Variants in CADM2 observed in about 807,000 individuals in gnomAD.
CADM2 encodes immunoglobulin superfamily member 4D.
In CADM2, 12 loss-of-function variants were observed where a neutral mutation model predicts 49.8. That is an observed-to-expected ratio of 0.24 (90% confidence interval 0.15 to 0.39). The LOEUF (loss-of-function observed/expected upper bound fraction) is 0.39, where lower values mean the gene tolerates loss of function less well. CADM2 is among the 10% of genes least tolerant of loss of function. The probability of loss-of-function intolerance (pLI) is 1.00; values close to 1 mark genes in which losing one functional copy is unlikely to be tolerated. For missense variants in CADM2, 378 were observed against 492.3 expected (o/e 0.77, Z 2.20); for synonymous variants, 214 against 175.4 (o/e 1.22, Z -1.74).
intron 3 of CADM2, among the ~76,000 whole-genome samples, chr3:85,875,369 T>C (rs1193014138): frequency 6.6e-6 from 1 of 152,188 alleles, no homozygotes. Flanking sequence ...AGTCTTCATC[T>C]TGCCTCTTTT....
chr3:85,396,534 T>C (rs936687050), intron 1 of CADM2, among the ~76,000 whole-genome samples: 5 of 152,036 alleles, frequency 3.3e-5, no homozygotes, highest in African/African-American at 4.8e-5. Context: ...TTTGTGGTAA[T>C]CCAATACCTA....
intron 1 of CADM2, among the ~76,000 whole-genome samples, chr3:85,280,785 C>CA (rs1383174539): frequency 1.3e-5 from 2 of 148,748 alleles, no homozygotes; most frequent in Non-Finnish European, 3.0e-5. Context: ...TGGTTGAAAA[C>CA]AAAAACAGTA....
chr3:85,942,938 C>G (rs147496437), intron 7 of CADM2, among the ~76,000 whole-genome samples: 8,218 of 152,020 alleles, frequency 0.054, 357 homozygotes, highest in South Asian at 0.11. Context: ...TGAACTAGTT[C>G]ACAGTCCCAC....
At chr3:85,731,059 T>C (rs1202562966) in intron 2 of CADM2, among the ~76,000 whole-genome samples, 3 of 152,162 alleles carry the variant, frequency 2.0e-5, no homozygotes, top group Non-Finnish European at 4.4e-5. Context: ...TTTGCTGAGT[T>C]TGTTAAGTAA....
At chr3:85,047,186 C>A (rs2035702243) in intron 1 of CADM2, among the ~76,000 whole-genome samples, 1 of 152,082 alleles carries the variant, frequency 6.6e-6, no homozygotes, top group South Asian at 2.1e-4. Context: ...TGGCTCCAGC[C>A]CTTTTCCTTT....
In CADM2 at chr3:85,568,477, T is replaced by C. The variant is rs796068173; in HGVS notation, c.62-158045T>C. ...TTTCTTTCTTTCTCTTTCTCTCTCT[T>C]TCTTTCTTTCTTTCTTTCTTTCTTT... On this transcript the variant is annotated intron_variant, in intron 1 of 9. Coordinates refer to ENST00000383699, the MANE Select transcript of CADM2 (RefSeq NM_001167675.2). Among the ~76,000 whole-genome samples, 162 of 39,034 alleles carry C rather than the reference T, an allele frequency of 4.2e-3. 1 individual carries two copies. The highest frequency in any genetic ancestry group is 0.012 in the African/African-American group (151 of 13,012). 25.6% of individuals were successfully genotyped at this position (39,034 alleles called of 152,430 possible).
chr3:86,055,481 G>GTTTTTTTTTTTTTTTTTTTTTTTTTTTT (rs1440467932), intron 8 of CADM2, among the ~76,000 whole-genome samples: 3 of 121,044 alleles, frequency 2.5e-5, no homozygotes, highest in South Asian at 2.8e-4. Flanking sequence ...TTTTTTTTTG[G>GTTTTTTTTTTTTTTTTTTTTTTTTTTTT]TTTTAGAGGG....
At chr3:85,243,653 A>AGT (rs1489647767) in intron 1 of CADM2, among the ~76,000 whole-genome samples, 1 of 152,062 alleles carries the variant, frequency 6.6e-6, no homozygotes, top group African/African-American at 2.4e-5. Context: ...GGGGTACCAG[A>AGT]GTGTTCAGCC....
intron 1 of CADM2, among the ~76,000 whole-genome samples, chr3:85,136,472 T>C (rs1376413913): frequency 6.6e-6 from 1 of 152,010 alleles, no homozygotes; most frequent in Non-Finnish European, 1.5e-5. Context: ...ACATGTTCAA[T>C]ATGTTTTACT....
intron 8 of CADM2, among the ~76,000 whole-genome samples, chr3:86,038,279 A>G (rs1735427122): frequency 6.6e-6 from 1 of 152,208 alleles, no homozygotes; most frequent in South Asian, 2.1e-4. Context: ...AATGAAGACA[A>G]TCAAGTGAGC....
intron 1 of CADM2, among the ~76,000 whole-genome samples, chr3:85,642,841 A>G (rs948106879): frequency 6.6e-6 from 1 of 152,210 alleles, no homozygotes; most frequent in African/African-American, 2.4e-5. Flanking sequence ...ACAGGGTACA[A>G]TTTAAATATA....
intron 1 of CADM2, among the ~76,000 whole-genome samples, chr3:85,578,610 T>A (rs1447348354): frequency 1.3e-5 from 2 of 152,242 alleles, no homozygotes; most frequent in Non-Finnish European, 1.5e-5. Flanking sequence ...CTATTCTTCA[T>A]GAAACAGCAT....
At chr3:86,033,521 C>T (rs1734785375) in intron 8 of CADM2, among the ~76,000 whole-genome samples, 1 of 151,468 alleles carries the variant, frequency 6.6e-6, no homozygotes, top group African/African-American at 2.4e-5. Flanking sequence ...TTTATTTTAA[C>T]TCAGTAACAT....
chr3:85,322,399 C>T (rs545743203), intron 1 of CADM2, among the ~76,000 whole-genome samples: 15 of 152,126 alleles, frequency 9.9e-5, no homozygotes, highest in Non-Finnish European at 1.9e-4. Context: ...ACACATGTCT[C>T]ATGCAGAGGA....
intron 6 of CADM2, among the ~76,000 whole-genome samples, chr3:85,934,710 G>C (rs1577703257): frequency 6.6e-6 from 1 of 151,966 alleles, no homozygotes; most frequent in South Asian, 2.1e-4. Flanking sequence ...ATTTTCCTTA[G>C]ATAAGGTAAC....
intron 1 of CADM2, among the ~76,000 whole-genome samples, chr3:85,568,875 A>T (rs2107230120): frequency 6.6e-6 from 1 of 151,946 alleles, no homozygotes; most frequent in Admixed American, 6.6e-5. Context: ...TCCAATACGG[A>T]CAATATTCTG....
At chr3:86,045,131 A>C (rs907888495) in intron 8 of CADM2, among the ~76,000 whole-genome samples, 1 of 152,072 alleles carries the variant, frequency 6.6e-6, no homozygotes, top group Non-Finnish European at 1.5e-5. Context: ...TGGGTGCAGC[A>C]CACCAACATG....
intron 1 of CADM2, among the ~76,000 whole-genome samples, chr3:85,146,405 G>T (rs2039742390): frequency 6.6e-6 from 1 of 151,828 alleles, no homozygotes; most frequent in Admixed American, 6.6e-5. Context: ...TTATGCAGTG[G>T]CAAATGAAAG....
intron 1 of CADM2, among the ~76,000 whole-genome samples, chr3:85,161,983 T>A (rs1039083736): frequency 2.0e-5 from 3 of 151,722 alleles, no homozygotes; most frequent in Admixed American, 2.0e-4. Context: ...CACTCCAGAC[T>A]CCGCAACAAG....
Sources: allele counts gnomAD v4.1 joint callset (sites outside exome capture counted in the v4.1 genomes callset), GRCh38; gene constraint gnomAD v4.1.1; transcripts MANE v1.5; gene names NCBI Gene and HGNC (gene_info 2026-07-23, HGNC 2026-07-21).